AASS: variants seen among roughly 807,000 people sequenced by gnomAD.
The protein encoded by AASS is alpha-aminoadipic semialdehyde synthase, mitochondrial.
Under a neutral mutation model 105.4 loss-of-function variants are expected in AASS, and 86 were observed. The ratio of observed to expected loss-of-function variants is 0.82; its 90% confidence interval spans 0.69 to 0.98. The LOEUF (loss-of-function observed/expected upper bound fraction) is 0.98. AASS is among the 50% of genes least tolerant of loss of function. AASS has a pLI of 0.00. For synonymous variants in AASS, 381 were observed against 394.8 expected (o/e 0.96, Z 0.41); for missense variants, 1,048 against 1,143.2 (o/e 0.92, Z 1.20).
At chr7:122,130,595 G>T (rs1039612347) in intron 2 of AASS, among the ~76,000 whole-genome samples, 1 of 151,880 alleles carries the variant, frequency 6.6e-6, no homozygotes, top group Non-Finnish European at 1.5e-5. Context: ...AATTGAGATT[G>T]CATAACTAGT....
At chr7:122,094,439 G>T (rs1199045498) in intron 15 of AASS, among the ~76,000 whole-genome samples, 1 of 151,952 alleles carries the variant, frequency 6.6e-6, no homozygotes, top group Non-Finnish European at 1.5e-5. Flanking sequence ...GAGAAAATCT[G>T]AAGTATGCAG....
At chr7:122,093,334 G>T (rs894569508) in intron 15 of AASS, among the ~76,000 whole-genome samples, 176 bp from the exon 16 acceptor site, 4 of 152,164 alleles carry the variant, frequency 2.6e-5, no homozygotes, top group South Asian at 4.1e-4. Flanking sequence ...TGCTACAGAG[G>T]ATAGTTCAGA....
At chr7:122,078,604 C>T (rs776806714) in intron 22 of AASS, among the ~76,000 whole-genome samples, 8 of 151,870 alleles carry the variant, frequency 5.3e-5, no homozygotes, top group Admixed American at 1.3e-4. Context: ...CGTGAGACAC[C>T]GTCTCAAAAA....
At chr7:122,114,416 G>T (rs1448406385) in intron 9 of AASS, among the ~76,000 whole-genome samples, 1 of 152,108 alleles carries the variant, frequency 6.6e-6, no homozygotes, top group Non-Finnish European at 1.5e-5. Flanking sequence ...CCAGTTACAT[G>T]CCTAGAAAAG....
intron 18 of AASS, among the ~76,000 whole-genome samples, chr7:122,088,438 C>T (rs759233329): frequency 6.6e-6 from 1 of 152,106 alleles, no homozygotes; most frequent in Non-Finnish European, 1.5e-5. Flanking sequence ...GAGGCTGAGT[C>T]ACCCAAAGGC....
chr7:122,086,812 C>T (rs1054322813), intron 18 of AASS, among the ~76,000 whole-genome samples: 49 of 152,056 alleles, frequency 3.2e-4, no homozygotes, highest in African/African-American at 1.1e-3. Context: ...CATTGAAGAT[C>T]GCACAAATTG....
At position 122,075,226 on chromosome 7, in the gene AASS, T is replaced by A. The variant is rs945669957; in HGVS notation, c.*1263A>T. ...ACATCATTTTTGATTTATTCATTGA[T>A]ACTATATTGAAAGATAACCAATTTC... On this transcript the variant is annotated 3_prime_UTR_variant, in exon 24 of 24. Transcript: ENST00000417368. 1.3e-5 allele frequency among the ~76,000 whole-genome samples: 2 copies of A among 152,232 alleles called. No individual in the cohort carries two copies. Among genetic ancestry groups the A allele is most frequent in the African/African-American group, 4.8e-5 (2 of 41,462 alleles).
chr7:122,132,014 A>G (rs544215688), intron 2 of AASS, among the ~76,000 whole-genome samples: 1 of 152,294 alleles, frequency 6.6e-6, no homozygotes, highest in East Asian at 1.9e-4. Context: ...AAAAGCAAAA[A>G]TTAAAGAAGC....
intron 22 of AASS, among the ~76,000 whole-genome samples, chr7:122,078,346 G>A (rs1414559421): frequency 6.6e-6 from 1 of 152,104 alleles, no homozygotes; most frequent in South Asian, 2.1e-4. Flanking sequence ...GGGCGCGGTG[G>A]CTCATGCCTG....
chr7:122,126,548 T>TG, intron 3 of AASS, 89 bp from the exon 4 acceptor site: 1 of 1,111,062 alleles, frequency 9.0e-7, no homozygotes, highest in Non-Finnish European at 1.4e-6. Flanking sequence ...ATATTTCACA[T>TG]TTTTTCCTCT....
chr7:122,114,966 C>T, intron 9 of AASS, 108 bp downstream of exon 9: 2 of 1,466,634 alleles, frequency 1.4e-6, no homozygotes, highest in Non-Finnish European at 1.9e-6. Flanking sequence ...AAAGATAAGG[C>T]AGAGAAGTAG....
In AASS at chr7:122,126,407, A is replaced by G; in HGVS notation, c.440T>C (p.Val147Ala). 1 of 1,614,000 alleles carries G rather than the reference A, an allele frequency of 6.2e-7. No individual in the cohort carries two copies. Among genetic ancestry groups the G allele is most frequent in the African/African-American group, 1.3e-5 (1 of 75,036 alleles). The change falls in exon 4 of 24, where the codon GTA becomes GCA. Residue 147 changes from valine (V) to alanine (A), a missense_variant. Coordinates refer to ENST00000417368, the MANE Select transcript of AASS (RefSeq NM_005763.4). ...ACCAGCCCACTGTCCAAATGCCACT[A>G]CCCGTACTCCTCTATGATCCACCAT... The part of the protein sequence containing the change: ...EKMVDHRGVR[V>A]VAFGQWAGVA...
Position 122,116,973 on chromosome 7 carries a change from G to A in AASS, c.688-16C>T, listed in dbSNP as rs1363234908. 6.2e-7 allele frequency: 1 copy of A among 1,608,432 alleles called. No homozygotes were observed. Among genetic ancestry groups the A allele is most frequent in the African/African-American group, 1.3e-5 (1 of 74,782 alleles). On this transcript the variant is annotated splice_polypyrimidine_tract_variant and intron_variant, in intron 6 of 23. Transcript: ENST00000417368. Reference sequence around the variant, plus strand: ...CTTGGGCTCCCTACAAATAACACATGAGTAAAAATCCAAAAATCAATAGAA... The same window carrying A: ...CTTGGGCTCCCTACAAATAACACATAAGTAAAAATCCAAAAATCAATAGAA...
chr7:122,115,523 C>T (rs907050356), intron 8 of AASS, among the ~76,000 whole-genome samples: 3 of 151,994 alleles, frequency 2.0e-5, no homozygotes, highest in Non-Finnish European at 2.9e-5. Flanking sequence ...AAACAAAAAA[C>T]GGTGGACCTA....
intron 15 of AASS, among the ~76,000 whole-genome samples, chr7:122,097,404 G>A (rs970623698): frequency 6.6e-6 from 1 of 151,906 alleles, no homozygotes; most frequent in Non-Finnish European, 1.5e-5. Flanking sequence ...AGGGGTACAT[G>A]TGCAGGTTTG....
chr7:122,100,078 G>C (rs1367511556), intron 13 of AASS, among the ~76,000 whole-genome samples: 1 of 151,870 alleles, frequency 6.6e-6, no homozygotes, highest in Non-Finnish European at 1.5e-5. Flanking sequence ...GTGATGAAAA[G>C]AAGAGAAGAA....
intron 1 of AASS, among the ~76,000 whole-genome samples, chr7:122,141,760 C>A (rs1796412278): frequency 6.7e-6 from 1 of 149,350 alleles, no homozygotes; most frequent in Non-Finnish European, 1.5e-5. Context: ...AAAACTTAGA[C>A]ATGGGAGCTG....
intron 18 of AASS, among the ~76,000 whole-genome samples, chr7:122,091,270 A>G (rs12113314): frequency 0.085 from 12,902 of 152,128 alleles, 612 homozygotes; most frequent in East Asian, 0.15. Context: ...TCCCCAGCAC[A>G]CCAAACCCTC....
chr7:122,096,814 T>C (rs1357619875), intron 15 of AASS, among the ~76,000 whole-genome samples: 1 of 152,088 alleles, frequency 6.6e-6, no homozygotes, highest in African/African-American at 2.4e-5. Context: ...AAGAGATTGA[T>C]GTCTTTGTCC....
Sources: gnomAD v4.1 joint callset for allele counts (sites outside exome capture counted in the v4.1 genomes callset) on GRCh38, gnomAD v4.1.1 for gene constraint, MANE v1.5 for transcripts, NCBI Gene and HGNC (gene_info 2026-07-23, HGNC 2026-07-21) for gene names.